IL2RA: variants seen among roughly 807,000 people sequenced by gnomAD.
IL2RA encodes interleukin 2 receptor subunit alpha, also known as interleukin-2 receptor subunit alpha.
Under a neutral mutation model 37.8 loss-of-function variants are expected in IL2RA, and 24 were observed. The ratio of observed to expected loss-of-function variants is 0.63; its 90% CI spans 0.46 to 0.89. The LOEUF is 0.89. Ranked by LOEUF, IL2RA falls within the 40% of genes least tolerant of loss-of-function variation. The pLI, the probability that IL2RA is intolerant of heterozygous loss-of-function variation, is 0.00. For missense variants in IL2RA, 319 were observed against 348.6 expected (o/e 0.92, Z 0.68); for synonymous variants, 125 against 114.6 (o/e 1.09, Z -0.58).
intron 1 of IL2RA, among the ~76,000 whole-genome samples, chr10:6,043,306 G>A (rs937249426): frequency 6.6e-6 from 1 of 152,186 alleles, no homozygotes; most frequent in African/African-American, 2.4e-5. Flanking sequence ...AAACAAACCA[G>A]TAGTGTATAT....
In IL2RA at chr10:6,018,244, C is replaced by G; in HGVS notation, c.728-125G>C. On this transcript the variant is annotated intron_variant, in intron 6 of 7. Coordinates refer to ENST00000379959, the MANE Select transcript of IL2RA (RefSeq NM_000417.3). This position sits in a 1 kb window ranked among gnomAD's most constrained non-coding sequence, Gnocchi z 5.1. ...CAAGGCGGAGGCTGCAGCCTCTCTT[C>G]CCTGTCTCAGGAAGTAGGTCCCTCC... is the stretch of plus-strand genomic sequence containing the variant. The G allele has an allele frequency of 2.7e-6, 2 of 741,890 alleles. No individual in the cohort carries two copies. Among genetic ancestry groups the G allele is most frequent in the South Asian group, 3.0e-5 (2 of 67,688 alleles). 46.0% of individuals were successfully genotyped at this position (741,890 alleles called of 1,614,324 possible).
Position 6,020,167 on chromosome 10 carries a change from C to T in IL2RA, c.584-226G>A, listed in dbSNP as rs1307719350. Reference sequence around the variant, plus strand: ...GACGAGGCTGAATTCTAACTCTGACCCTAGCTGTCCCCAAAACTCTGAGCA... The same window carrying T: ...GACGAGGCTGAATTCTAACTCTGACTCTAGCTGTCCCCAAAACTCTGAGCA... On this transcript the variant is annotated intron_variant, in intron 4 of 7. Coordinates refer to ENST00000379959, the MANE Select transcript of IL2RA (RefSeq NM_000417.3). The surrounding 1 kb of genome is among the most constrained non-coding windows in gnomAD (Gnocchi z 5.6). 6.6e-6 allele frequency among the ~76,000 whole-genome samples: 1 copy of T among 152,190 alleles called. No individual in the cohort carries two copies. Among genetic ancestry groups the T allele is most frequent in the African/African-American group, 2.4e-5 (1 of 41,422 alleles).
intron 1 of IL2RA, among the ~76,000 whole-genome samples, chr10:6,040,013 A>C (rs2132879345): frequency 6.6e-6 from 1 of 152,352 alleles, no homozygotes; most frequent in South Asian, 2.1e-4. Flanking sequence ...AGTGTAAAAC[A>C]GCATCATCAT....
At chr10:6,030,313 T>C (rs1839556551) in intron 1 of IL2RA, among the ~76,000 whole-genome samples, 1 of 152,136 alleles carries the variant, frequency 6.6e-6, no homozygotes, top group Non-Finnish European at 1.5e-5. Context: ...CCAAGCAAGA[T>C]ACGTATAAAG....
intron 1 of IL2RA, among the ~76,000 whole-genome samples, chr10:6,043,226 AAC>A (rs1489651634): frequency 6.6e-6 from 1 of 152,238 alleles, no homozygotes; most frequent in Non-Finnish European, 1.5e-5. Context: ...GAATCTCAGA[AAC>A]ACTGCTGAGT....
rs1840078962 is a variant in IL2RA at position 6,058,326 on chromosome 10, A to AT, written c.64+3761dup. ...CTTTTGGTGCAGAATTGTGAAGTCA[A>AT]TTTTTTTCTTTTTCAATTCTCACAT... is the stretch of plus-strand genomic sequence containing the variant. On this transcript the variant is annotated intron_variant, in intron 1 of 7. Transcript: ENST00000379959. The surrounding 1 kb of genome is among the most constrained non-coding windows in gnomAD (Gnocchi z 4.2). Among the ~76,000 whole-genome samples, 1 of 152,082 alleles carries AT rather than the reference A, an allele frequency of 6.6e-6. No individual in the cohort carries two copies. The highest frequency in any genetic ancestry group is 2.4e-5 in the African/African-American group (1 of 41,400).
intron 1 of IL2RA, among the ~76,000 whole-genome samples, chr10:6,061,136 AC>A (rs1411168895): frequency 1.3e-5 from 2 of 152,160 alleles, no homozygotes; most frequent in African/African-American, 4.8e-5. Context: ...TGCCTGTAGT[AC>A]CAGCAGTATG....
intron 1 of IL2RA, among the ~76,000 whole-genome samples, chr10:6,031,125 T>TAG (rs1200956736): frequency 6.6e-6 from 1 of 152,128 alleles, no homozygotes; most frequent in East Asian, 1.9e-4. Context: ...TATCAGTAAT[T>TAG]ACATTAAATA....
chr10:6,045,233 C>T (rs1163536926), intron 1 of IL2RA, among the ~76,000 whole-genome samples: 1 of 152,156 alleles, frequency 6.6e-6, no homozygotes, highest in Admixed American at 6.5e-5. Context: ...TCAGAGTTTC[C>T]GTAACCCTAA....
intron 1 of IL2RA, among the ~76,000 whole-genome samples, chr10:6,051,512 TA>T (rs1264658212): frequency 0.2 from 20,714 of 105,144 alleles, 1,659 homozygotes; most frequent in East Asian, 0.34. Flanking sequence ...TATATATATA[TA>T]TATATTTTTT....
intron 7 of IL2RA, among the ~76,000 whole-genome samples, chr10:6,013,832 A>ATT (rs55729291): frequency 0.047 from 6,381 of 136,658 alleles, 283 homozygotes; most frequent in Middle Eastern, 0.16. Context: ...AAATATTTTA[A>ATT]TTTTTTTTTT....
At position 6,056,096 on chromosome 10, in the gene IL2RA, C is replaced by T. The variant is rs1292457821; in HGVS notation, c.64+5992G>A. On this transcript the variant is annotated intron_variant, in intron 1 of 7. Transcript: ENST00000379959. The surrounding 1 kb of genome is among the most constrained non-coding windows in gnomAD (Gnocchi z 5.0). ...GGAGAATACCTAAAATTTCTAGAGA[C>T]AATTATATTATTGTTTTCCCCTAAA... is the stretch of plus-strand genomic sequence containing the variant. 1.3e-5 allele frequency among the ~76,000 whole-genome samples: 2 copies of T among 152,154 alleles called. No individual in the cohort carries two copies. Among genetic ancestry groups the T allele is most frequent in the Non-Finnish European group, 1.5e-5 (1 of 68,032 alleles).
chr10:6,043,562 C>T (rs543621832), intron 1 of IL2RA, among the ~76,000 whole-genome samples: 43 of 152,232 alleles, frequency 2.8e-4, no homozygotes, highest in African/African-American at 9.9e-4. Flanking sequence ...CCTCAGCCCC[C>T]CAAGAAGCTG....
rs775645419 is a variant in IL2RA, at chr10:6,054,128, T to C, written c.64+7960A>G. 2.0e-5 allele frequency among the ~76,000 whole-genome samples: 3 copies of C among 152,250 alleles called. No individual in the cohort carries two copies. The highest frequency in any genetic ancestry group is 1.3e-4 in the Admixed American group (2 of 15,280). On this transcript the variant is annotated intron_variant, in intron 1 of 7. Transcript: ENST00000379959. This position sits in a 1 kb window ranked among gnomAD's most constrained non-coding sequence, Gnocchi z 4.5. ...TGTTGCCCTGGAGTTTCCTGCCACC[T>C]GAACCCCTCCTTAAGCAGGATGCCT...
intron 2 of IL2RA, among the ~76,000 whole-genome samples, chr10:6,024,805 A>C (rs1294237953): frequency 6.6e-6 from 1 of 152,230 alleles, no homozygotes; most frequent in African/African-American, 2.4e-5. Flanking sequence ...GAATGCTTGA[A>C]GTTAGAGACG....
chr10:6,042,326 A>C (rs1839785457), intron 1 of IL2RA, among the ~76,000 whole-genome samples: 1 of 151,802 alleles, frequency 6.6e-6, no homozygotes, highest in African/African-American at 2.4e-5. Context: ...AAGAATATCC[A>C]TTATTGATTA....
rs1406295595 is a variant in IL2RA, at chr10:6,031,445, TATATATATAC to T, written c.65-5430_65-5421del. 4.2e-3 allele frequency among the ~76,000 whole-genome samples: 207 copies of T among 48,794 alleles called. 6 individuals are homozygous for T. The highest frequency in any genetic ancestry group is 0.041 in the East Asian group (20 of 490). The allele number at this position is 48,794 out of a possible 152,430, so 32.0% of individuals were successfully genotyped here. A position where few individuals can be genotyped will look rare whatever the true frequency, so the allele number is the denominator to read the frequency against. ...ATTTAGCAAGTTAGCAATTTCAGTA[TATATATATAC>T]ATATATATATATATATATATATATA... On this transcript the variant is annotated intron_variant, in intron 1 of 7. Transcript: ENST00000379959.
At chr10:6,060,191 A>G (rs768245992) in intron 1 of IL2RA, among the ~76,000 whole-genome samples, 3 of 152,258 alleles carry the variant, frequency 2.0e-5, no homozygotes, top group Non-Finnish European at 4.4e-5. Flanking sequence ...TGTAGAAATC[A>G]CATTGAAAAA....
chr10:6,017,369 T>C (rs1479048835), intron 7 of IL2RA, among the ~76,000 whole-genome samples: 1 of 152,090 alleles, frequency 6.6e-6, no homozygotes, highest in Non-Finnish European at 1.5e-5. Context: ...GGGAAAATCA[T>C]GGGCTCTAGA....
Sources: gnomAD v4.1 joint callset for allele counts (sites outside exome capture counted in the v4.1 genomes callset) on GRCh38, gnomAD v4.1.1 for gene constraint, Gnocchi (gnomAD v3.1) non-coding constraint, MANE v1.5 for transcripts, NCBI Gene and HGNC (gene_info 2026-07-23, HGNC 2026-07-21) for gene names.